SORCS3: variants seen among roughly 807,000 people sequenced by gnomAD.
SORCS3 encodes the protein sortilin related VPS10 domain containing receptor 3.
SORCS3 carries 57 observed loss-of-function variants against 146.3 expected under a neutral mutation model. That is an observed-to-expected ratio of 0.39 (90% CI 0.31 to 0.49). The LOEUF (loss-of-function observed/expected upper bound fraction) is 0.49. Ranked by LOEUF, SORCS3 falls within the 20% of genes least tolerant of loss-of-function variation. SORCS3 has a pLI of 0.92. For synonymous variants in SORCS3, 653 were observed against 618.5 expected, an observed-to-expected ratio of 1.06 and a Z score of -0.83; for missense variants, 1,341 against 1,575.5, an observed-to-expected ratio of 0.85 and a Z score of 2.52.
intron 4 of SORCS3, among the ~76,000 whole-genome samples, chr10:105,034,168 G>A (rs1450581988): frequency 6.6e-6 from 1 of 152,134 alleles, no homozygotes; most frequent in Admixed American, 6.5e-5. Flanking sequence ...AGATGACAGT[G>A]GACCTGGTGC....
chr10:104,963,248 G>C (rs1589568516), intron 3 of SORCS3, among the ~76,000 whole-genome samples: 2 of 152,120 alleles, frequency 1.3e-5, no homozygotes, highest in African/African-American at 4.8e-5. Context: ...TGCCACATTG[G>C]TTTTCAGAGT....
At position 105,084,733 on chromosome 10, in the gene SORCS3, C is replaced by CT. The variant is rs35594157; in HGVS notation, c.1029-5027dup. Among the ~76,000 whole-genome samples, 1,201 of 143,064 alleles carry CT rather than the reference C, an allele frequency of 8.4e-3. 12 individuals are homozygous for CT. Among genetic ancestry groups the CT allele is most frequent in the African/African-American group, 0.025 (982 of 39,018 alleles). The allele number at this position is 143,064 out of a possible 152,430, so 93.9% of individuals were successfully genotyped here. ...TCCAGCTAAGGCAGTGCTGCTTCTT[C>CT]TTTTTTTTTTTTTTTGAGATGGAGT... On this transcript the variant is annotated intron_variant, in intron 5 of 26. Coordinates refer to ENST00000369701, the MANE Select transcript of SORCS3 (RefSeq NM_014978.3).
intron 3 of SORCS3, among the ~76,000 whole-genome samples, chr10:104,932,766 C>T (rs2019220461): frequency 6.6e-6 from 1 of 152,178 alleles, no homozygotes; most frequent in Non-Finnish European, 1.5e-5. Context: ...GATCATAGCT[C>T]ACTGCAGCCT....
intron 1 of SORCS3, among the ~76,000 whole-genome samples, chr10:104,721,393 T>C (rs1227240347): frequency 6.6e-6 from 1 of 152,228 alleles, no homozygotes; most frequent in Admixed American, 6.5e-5. Context: ...TGTAGTATAG[T>C]TTGAAGTCAG....
At chr10:105,135,439 T>C (rs2056052671) in intron 7 of SORCS3, among the ~76,000 whole-genome samples, 2 of 152,160 alleles carry the variant, frequency 1.3e-5, no homozygotes, top group South Asian at 4.1e-4. Context: ...ATTGATCTGG[T>C]GAGTAGCATC....
intron 2 of SORCS3, among the ~76,000 whole-genome samples, chr10:104,908,497 T>A (rs536939079): frequency 6.6e-6 from 1 of 152,338 alleles, no homozygotes; most frequent in Admixed American, 6.5e-5. Context: ...TGAATCTGAA[T>A]AACAACAACT....
At chr10:104,797,502 AT>A (rs558516116) in intron 1 of SORCS3, among the ~76,000 whole-genome samples, 402 of 146,168 alleles carry the variant, frequency 2.8e-3, no homozygotes, top group East Asian at 9.2e-3. Flanking sequence ...ATCAAGGCTG[AT>A]TTTTTTTTTT....
intron 1 of SORCS3, among the ~76,000 whole-genome samples, chr10:104,678,569 G>T (rs935461372): frequency 3.3e-5 from 5 of 152,168 alleles, no homozygotes; most frequent in Non-Finnish European, 5.9e-5. Context: ...CCTCTTTGAT[G>T]ATTCTTCTTG....
At chr10:105,239,605 A>T (rs1178400772) in intron 20 of SORCS3, among the ~76,000 whole-genome samples, 1 of 152,136 alleles carries the variant, frequency 6.6e-6, no homozygotes, top group Non-Finnish European at 1.5e-5. Context: ...CAGCCTAGGC[A>T]GGGCATGAGG....
At chr10:105,187,221 T>C (rs1340939296) in intron 14 of SORCS3, among the ~76,000 whole-genome samples, 10 of 152,126 alleles carry the variant, frequency 6.6e-5, no homozygotes, top group Admixed American at 6.6e-4. Context: ...ACCCACCTCT[T>C]CCCCCCATAT....
Position 104,693,282 on chromosome 10 carries a change from C to T in SORCS3, c.627+51328C>T, listed in dbSNP as rs115862140. On this transcript the variant is annotated intron_variant, in intron 1 of 26. Transcript: ENST00000369701. The stretch of plus-strand genomic sequence containing the variant: ...GGAATGGAAAGTGAGGATGCCCTCA[C>T]GGATGTGTGAGGTTTACACACAGGT... Among the ~76,000 whole-genome samples the T allele has an allele frequency of 2.3e-3, 351 of 152,224 alleles. 1 individual carries two copies. The highest frequency in any genetic ancestry group is 8.0e-3 in the African/African-American group (333 of 41,536).
At chr10:104,740,794 T>TA (rs2016832050) in intron 1 of SORCS3, among the ~76,000 whole-genome samples, 1 of 152,022 alleles carries the variant, frequency 6.6e-6, no homozygotes, top group South Asian at 2.1e-4. Flanking sequence ...GTAGAAGGGG[T>TA]GAGATTCTGG....
At chr10:104,652,320 C>T (rs1402760517) in intron 1 of SORCS3, among the ~76,000 whole-genome samples, 1 of 152,042 alleles carries the variant, frequency 6.6e-6, no homozygotes, top group African/African-American at 2.4e-5. Context: ...GAAAAAGTTG[C>T]AAAAATTGGT....
intron 26 of SORCS3, 96 bp downstream of exon 26, chr10:105,262,587 G>T: frequency 7.7e-7 from 1 of 1,291,178 alleles, no homozygotes; most frequent in Non-Finnish European, 1.0e-6. Context: ...CTGGAGGGTG[G>T]GGACAAACAA....
intron 1 of SORCS3, among the ~76,000 whole-genome samples, chr10:104,698,096 A>G (rs1051679064): frequency 3.9e-5 from 6 of 152,232 alleles, no homozygotes; most frequent in African/African-American, 1.2e-4. Flanking sequence ...AACTCTTTCT[A>G]GGAAGTCATG....
chr10:105,040,741 G>T (rs1266101752), intron 4 of SORCS3, among the ~76,000 whole-genome samples: 1 of 151,904 alleles, frequency 6.6e-6, no homozygotes. Flanking sequence ...ACTAGAGGGT[G>T]GTAAGATATT....
intron 9 of SORCS3, among the ~76,000 whole-genome samples, chr10:105,154,455 C>G (rs1022424920): frequency 1.4e-4 from 22 of 152,210 alleles, no homozygotes; most frequent in Non-Finnish European, 2.6e-4. Flanking sequence ...CCTCTGCACT[C>G]AAATTGATTC....
At chr10:104,949,636 C>T in intron 3 of SORCS3, among the ~76,000 whole-genome samples, 1 of 152,198 alleles carries the variant, frequency 6.6e-6, no homozygotes, top group Non-Finnish European at 1.5e-5. Context: ...CTGGCTTAGA[C>T]TAGGTAGGTT....
intron 22 of SORCS3, among the ~76,000 whole-genome samples, chr10:105,248,941 G>A (rs535292873): frequency 1.3e-5 from 2 of 152,142 alleles, no homozygotes; most frequent in African/African-American, 4.8e-5. Flanking sequence ...AAGAGAATAG[G>A]TTTATATGTC....
Sources: gnomAD v4.1 joint callset for allele counts (sites outside exome capture counted in the v4.1 genomes callset) on GRCh38, gnomAD v4.1.1 for gene constraint, MANE v1.5 for transcripts, NCBI Gene and HGNC (gene_info 2026-07-23, HGNC 2026-07-21) for gene names.